PDXDC1: variants seen among roughly 807,000 people sequenced by gnomAD.
The protein encoded by PDXDC1 is pyridoxal-dependent decarboxylase domain-containing protein 1.
A neutral mutation model predicts 100.1 loss-of-function variants in PDXDC1; 42 were observed. The ratio of observed to expected loss-of-function variants is 0.42; its 90% confidence interval spans 0.33 to 0.54. PDXDC1 has a LOEUF of 0.54. PDXDC1 is among the 20% of genes least tolerant of loss of function. The pLI is 0.10. For synonymous variants in PDXDC1, 260 were observed against 371.7 expected, an observed-to-expected ratio of 0.70 and a Z score of 3.46; for missense variants, 636 against 979.2, an observed-to-expected ratio of 0.65 and a Z score of 4.68.
intron 12 of PDXDC1, among the ~76,000 whole-genome samples, 195 bp from the exon 13 acceptor site, chr16:15,022,509 A>G (rs1248891932): frequency 1.3e-5 from 2 of 152,300 alleles, no homozygotes; most frequent in Admixed American, 1.3e-4. Flanking sequence ...TTGAATTACT[A>G]CATGTAACTT....
chr16:15,142,537 G>C (rs1389688180), downstream of PDXDC1, among the ~76,000 whole-genome samples: 2 of 151,970 alleles, frequency 1.3e-5, no homozygotes, highest in Non-Finnish European at 2.9e-5. Flanking sequence ...GTCTGCCCTG[G>C]GTAGGACTCA....
At chr16:15,009,558 A>G in intron 7 of PDXDC1, 123 bp from the exon 8 acceptor site, 1 of 1,403,780 alleles carries the variant, frequency 7.1e-7, no homozygotes. Context: ...AAAAATTGTC[A>G]AGAGTAAGAA....
At chr16:15,035,869 T>C (rs1384789903) in intron 22 of PDXDC1, 147 bp from the exon 23 acceptor site, 2 of 866,294 alleles carry the variant, frequency 2.3e-6, no homozygotes, top group Non-Finnish European at 3.6e-6. Context: ...GCTCTCGGTT[T>C]TCTCATCTCC....
chr16:14,989,038 G>A, intron 1 of PDXDC1: 1 of 1,614,254 alleles, frequency 6.2e-7, no homozygotes. Flanking sequence ...CTGAGCAGCG[G>A]GGCTGGCGAG....
intron 8 of PDXDC1, chr16:15,010,179 TG>T (rs1309900699): frequency 1.0e-5 from 2 of 192,388 alleles, no homozygotes; most frequent in African/African-American, 2.3e-5. Context: ...CCTGAATTGC[TG>T]GGATTACAGG....
chr16:15,131,587 C>T lies in PDXDC1; in HGVS notation c.1400-7292C>T, dbSNP rs9940242. On this transcript the variant is annotated intron_variant, in intron 16 of 16. Transcript: ENST00000535621. Reference sequence around the variant, plus strand: ...GAGCACGCGGGAGCGCGTGAGGATGCGCATGAGGGCAGAGGTCAGGTTGTA... The same window carrying T: ...GAGCACGCGGGAGCGCGTGAGGATGTGCATGAGGGCAGAGGTCAGGTTGTA... The T allele has an allele frequency of 7.7e-5, 121 of 1,565,856 alleles. 2 individuals carry two copies. The highest frequency in any genetic ancestry group is 4.6e-4 in the African/African-American group (32 of 69,852).
chr16:15,142,642 A>C (rs953156618), downstream of PDXDC1, among the ~76,000 whole-genome samples: 2 of 151,822 alleles, frequency 1.3e-5, no homozygotes, highest in East Asian at 1.9e-4. Context: ...TGGAGTCCTC[A>C]CCCCGCTTGC....
At chr16:15,107,026 AAC>A (rs1326937993) in intron 16 of PDXDC1, 4 of 165,368 alleles carry the variant, frequency 2.4e-5, no homozygotes, top group African/African-American at 1.3e-4. Context: ...ATCCTACAAC[AAC>A]ACACTTTCCT....
At chr16:15,130,657 A>G (rs2048003553) in intron 16 of PDXDC1, 4 of 1,423,652 alleles carry the variant, frequency 2.8e-6, no homozygotes, top group Non-Finnish European at 2.0e-6. Context: ...AAGAAGGTGT[A>G]GGGCCGGTGG....
At chr16:15,141,189 A>G (rs948125171), downstream of PDXDC1, among the ~76,000 whole-genome samples, 37 of 151,840 alleles carry the variant, frequency 2.4e-4, no homozygotes, top group Non-Finnish European at 4.9e-4. Flanking sequence ...TGCTCCTCCC[A>G]CCGGAGCTCC....
At chr16:15,086,890 G>C (rs577658419) in intron 16 of PDXDC1, among the ~76,000 whole-genome samples, 2 of 152,206 alleles carry the variant, frequency 1.3e-5, no homozygotes, top group Admixed American at 1.3e-4. Flanking sequence ...GATCAATTGG[G>C]GTCATGAATA....
At position 15,133,098 on chromosome 16, in the gene PDXDC1, T is replaced by G. The variant is rs1221345634; in HGVS notation, c.1400-5781T>G. ...AAAGCAGACGCCGGAGAGGGCCCGG[T>G]GGGTGTGGCTGCTGGGAGCGGAACG... On this transcript the variant is annotated intron_variant, in intron 16 of 16. Transcript: ENST00000535621. 8.1e-6 allele frequency: 5 copies of G among 615,918 alleles called. No individual in the cohort carries two copies. The East Asian group carries it at 1.4e-4, about 17-fold the overall frequency. 38.2% of individuals were successfully genotyped at this position (615,918 alleles called of 1,614,324 possible). A position where few individuals can be genotyped will look rare whatever the true frequency, so the allele number is the denominator to read the frequency against.
At chr16:15,076,414 A>C (rs2045456061) in intron 16 of PDXDC1, 1 of 680,482 alleles carries the variant, frequency 1.5e-6, no homozygotes, top group African/African-American at 1.8e-5. Flanking sequence ...CATGGCAGCA[A>C]ATTACTCATA....
At chr16:14,992,248 A>T (rs1448545238) in intron 1 of PDXDC1, among the ~76,000 whole-genome samples, 1 of 152,292 alleles carries the variant, frequency 6.6e-6, no homozygotes, top group Non-Finnish European at 1.5e-5. Flanking sequence ...ATTAGAGGGG[A>T]TGGGAAAGAG....
rs1221238169 is a variant in PDXDC1, at chr16:14,975,058, C to T, written c.-142C>T. ...CCATCAGGTTCGGCAGCCCGCGGCG[C>T]CGCCTGGCAGCTCCTCCTCTTCTCC... On this transcript the variant is annotated 5_prime_UTR_variant, in exon 1 of 23. Transcript: ENST00000396410. 9.3e-6 allele frequency: 14 copies of T among 1,513,082 alleles called. No homozygotes were observed. The highest frequency in any genetic ancestry group is 1.2e-5 in the Non-Finnish European group (14 of 1,138,576). 93.7% of individuals were successfully genotyped at this position (1,513,082 alleles called of 1,614,324 possible).
chr16:15,123,069 G>C (rs1359278490), intron 16 of PDXDC1, among the ~76,000 whole-genome samples: 3 of 150,820 alleles, frequency 2.0e-5, no homozygotes, highest in Non-Finnish European at 3.0e-5. Flanking sequence ...GGAGCAATTA[G>C]AGGGAGACAA....
chr16:15,039,023 G>A (rs746790767), downstream of PDXDC1, among the ~76,000 whole-genome samples: 4 of 152,108 alleles, frequency 2.6e-5, no homozygotes, highest in Non-Finnish European at 4.4e-5. Context: ...TCAAACCCAG[G>A]CGCTTCTGAC....
intron 3 of PDXDC1, among the ~76,000 whole-genome samples, chr16:14,999,800 G>C (rs1972764757): frequency 6.6e-6 from 1 of 152,218 alleles, no homozygotes; most frequent in Non-Finnish European, 1.5e-5. Flanking sequence ...ATTTTCACAA[G>C]ACATTAGCAG....
chr16:15,011,068 C>T (rs1191347226), intron 8 of PDXDC1, among the ~76,000 whole-genome samples: 1 of 152,274 alleles, frequency 6.6e-6, no homozygotes, highest in Non-Finnish European at 1.5e-5. Context: ...CTTAATAGAA[C>T]TTGATGAGCT....
Sources: gnomAD v4.1 joint callset for allele counts (sites outside exome capture counted in the v4.1 genomes callset) on GRCh38, gnomAD v4.1.1 for gene constraint, MANE v1.5 for transcripts, NCBI Gene and HGNC (gene_info 2026-07-23, HGNC 2026-07-21) for gene names.